Variants in SLC36A4 observed in about 807,000 individuals in gnomAD.
SLC36A4 encodes the protein neutral amino acid uniporter 4.
Under a neutral mutation model 50.5 loss-of-function variants are expected in SLC36A4, and 49 were observed. That is an observed-to-expected ratio of 0.97 (90% CI 0.77 to 1.23). The LOEUF is 1.23. Among genes scored for constraint, SLC36A4 ranks in the 50% most tolerant of loss-of-function variants. The pLI, the probability that SLC36A4 is intolerant of heterozygous loss-of-function variation, is 0.00. For synonymous variants in SLC36A4, 207 were observed against 206.5 expected, an observed-to-expected ratio of 1.00 and a Z score of -0.02; for missense variants, 611 against 608.4, an observed-to-expected ratio of 1.00 and a Z score of -0.05.
At chr11:93,172,427 A>G (rs551351239) in intron 6 of SLC36A4, among the ~76,000 whole-genome samples, 2 of 150,118 alleles carry the variant, frequency 1.3e-5, no homozygotes, top group African/African-American at 2.4e-5. Context: ...CCAAGTCCCC[A>G]AAGTCCACTG....
At chr11:93,156,412 G>C (rs1590934318) in intron 9 of SLC36A4, among the ~76,000 whole-genome samples, 1 of 151,090 alleles carries the variant, frequency 6.6e-6, no homozygotes, top group Middle Eastern at 3.2e-3. Flanking sequence ...CACGTCCTTT[G>C]CCCACTTTTT....
intron 6 of SLC36A4, among the ~76,000 whole-genome samples, chr11:93,174,888 G>A (rs963118212): frequency 5.0e-5 from 7 of 139,802 alleles, no homozygotes; most frequent in African/African-American, 1.8e-4. Context: ...TGTTCATCAA[G>A]GATATTGGTC....
At chr11:93,180,308 CATAAT>C (rs1191893101) in intron 6 of SLC36A4, 8 of 985,294 alleles carry the variant, frequency 8.1e-6, no homozygotes, top group Non-Finnish European at 9.6e-6. Flanking sequence ...AGCAAACCTT[CATAAT>C]ATGAGAAAGT....
chr11:93,168,073 C>A lies in SLC36A4; in HGVS notation c.639G>T (p.Met213Ile), dbSNP rs1565224426. 1.2e-6 allele frequency: 2 copies of A among 1,611,966 alleles called. No individual in the cohort carries two copies. Among genetic ancestry groups the A allele is most frequent in the Admixed American group, 1.7e-5 (1 of 59,874 alleles). ...ERRSVDLRIY[M>I]LCFLPFIILL... ...GAATTATAAATGGAAGAAAGCAAAGCATATATATCCTTAGGTCAACACTTC... is the reference window on the plus strand; with the variant it reads ...GAATTATAAATGGAAGAAAGCAAAGAATATATATCCTTAGGTCAACACTTC... Residue 213 changes from methionine to isoleucine, a missense_variant, in exon 7 of 11, where the codon ATG becomes ATT. Coordinates refer to ENST00000326402, the MANE Select transcript of SLC36A4 (RefSeq NM_152313.4).
At chr11:93,181,935 G>C in intron 4 of SLC36A4, 149 bp from the exon 5 acceptor site, 1 of 596,226 alleles carries the variant, frequency 1.7e-6, no homozygotes, top group Non-Finnish European at 2.6e-6. Context: ...GTCAAGATCT[G>C]CATACTTCTA....
chr11:93,185,310 C>T (rs990974274), intron 2 of SLC36A4: 6 of 156,396 alleles, frequency 3.8e-5, no homozygotes, highest in Non-Finnish European at 7.0e-5. Context: ...AATCTATTAA[C>T]GATGACAAAA....
intron 9 of SLC36A4, chr11:93,160,442 A>C: frequency 1.0e-6 from 1 of 985,398 alleles, no homozygotes; most frequent in East Asian, 1.1e-4. Context: ...TTAAATCAAG[A>C]GTCTCAACTA....
chr11:93,155,731 C>T (rs910053424), intron 9 of SLC36A4, among the ~76,000 whole-genome samples: 1 of 152,066 alleles, frequency 6.6e-6, no homozygotes, highest in Non-Finnish European at 1.5e-5. Flanking sequence ...CCTCCTCACA[C>T]CCTTCACCCT....
Sources: gnomAD v4.1 joint callset for allele counts (sites outside exome capture counted in the v4.1 genomes callset) on GRCh38, gnomAD v4.1.1 for gene constraint, MANE v1.5 for transcripts, NCBI Gene and HGNC (gene_info 2026-07-23, HGNC 2026-07-21) for gene names.